CDCA3: variants seen among roughly 807,000 people sequenced by gnomAD.
CDCA3 encodes the protein cell division cycle associated 3, also known as cell division cycle-associated protein 3.
CDCA3 carries 16 observed loss-of-function variants against 29.1 expected under a neutral mutation model. The ratio of observed to expected loss-of-function variants is 0.55; its 90% CI spans 0.37 to 0.83. The LOEUF (loss-of-function observed/expected upper bound fraction) is 0.83. Ranked by LOEUF, CDCA3 falls within the 40% of genes least tolerant of loss-of-function variation. The pLI, the probability that CDCA3 is intolerant of heterozygous loss-of-function variation, is 0.00. For missense variants in CDCA3, 291 were observed against 327.2 expected, an observed-to-expected ratio of 0.89 and a Z score of 0.85; for synonymous variants, 88 against 124.5, an observed-to-expected ratio of 0.71 and a Z score of 1.95.
At chr12:6,846,783 C>T (rs782772296), downstream of CDCA3, 60 of 1,542,832 alleles carry the variant, frequency 3.9e-5, no homozygotes, top group Non-Finnish European at 5.0e-5. Context: ...TCCTTTCCCT[C>T]TTCCTCAGGC....
chr12:6,849,686 C>T lies in CDCA3; in HGVS notation c.423G>A (p.Gln141=), dbSNP rs1200403454. 11 of 1,614,086 alleles carry T rather than the reference C, an allele frequency of 6.8e-6. No homozygotes were observed. The highest frequency in any genetic ancestry group is 6.7e-5 in the East Asian group (3 of 44,882). The change falls in exon 4 of 6, where the codon CAG becomes CAA. Residue 141 remains glutamine, a synonymous_variant. Coordinates refer to ENST00000538862, the MANE Select transcript of CDCA3 (RefSeq NM_031299.7). This position sits in a 1 kb window ranked among gnomAD's most constrained non-coding sequence, Gnocchi z 5.2. ...ACACCTGTTTGGAGGGGAACTCAGT[C>T]TGGTTCCAAGGTGGCATCTGTTCCT... ...SVEEQMPPWN[Q]TEFPSKQVFS... is the part of the protein sequence containing the mutation.
chr12:6,847,393 A>G, downstream of CDCA3: 1 of 159,560 alleles, frequency 6.3e-6, no homozygotes, highest in Non-Finnish European at 1.4e-5. Context: ...GCACCCTGGT[A>G]CATCTGTGAT....
Position 6,849,090 on chromosome 12 carries a change from G to T in CDCA3, c.760C>A (p.Gln254Lys). The T allele has an allele frequency of 7.3e-7, 1 of 1,375,332 alleles. No homozygotes were observed. The highest frequency in any genetic ancestry group is 1.0e-6 in the Non-Finnish European group (1 of 961,916). The allele number at this position is 1,375,332 out of a possible 1,614,324, so 85.2% of individuals were successfully genotyped here. Residue 254 changes from glutamine (Q) to lysine (K), a missense_variant, in exon 6 of 6, where the codon CAG (glutamine) becomes AAG (lysine). By Grantham distance (53) the Gln-to-Lys change is moderately conservative. Coordinates refer to ENST00000538862, the MANE Select transcript of CDCA3 (RefSeq NM_031299.7). This position sits in a 1 kb window ranked among gnomAD's most constrained non-coding sequence, Gnocchi z 5.2. Reference protein sequence around the residue: ...KTGGRAWEQGQDHDKENQHFP... With the variant: ...KTGGRAWEQGKDHDKENQHFP... Reference sequence around the variant, plus strand: ...TGCTGATTTTCCTTGTCATGGTCCTGGCCTTGCTCCCATGCTCGTCCTCCA... The same window carrying T: ...TGCTGATTTTCCTTGTCATGGTCCTTGCCTTGCTCCCATGCTCGTCCTCCA...
chr12:6,846,777 T>A, downstream of CDCA3: 3 of 1,497,680 alleles, frequency 2.0e-6, no homozygotes, highest in East Asian at 7.0e-5. Context: ...GCTGACTCCT[T>A]TCCCTCTTCC....
At position 6,849,008 on chromosome 12, in the gene CDCA3, C is replaced by A. The variant is rs367669653; in HGVS notation, c.*35G>T. ...GTGAGAGGACACAGATATCACCAGG[C>A]CCTGGGTGACTGCATTGCTGGGGCC... On this transcript the variant is annotated 3_prime_UTR_variant, in exon 6 of 6. Transcript: ENST00000538862. The surrounding 1 kb of genome is among the most constrained non-coding windows in gnomAD (Gnocchi z 5.2). The A allele has an allele frequency of 1.3e-6, 1 of 795,088 alleles. No homozygotes were observed. The highest frequency in any genetic ancestry group is 2.3e-6 in the Non-Finnish European group (1 of 434,288). 49.3% of individuals were successfully genotyped at this position (795,088 alleles called of 1,614,324 possible).
downstream of CDCA3, among the ~76,000 whole-genome samples, chr12:6,847,877 AGAGG>A (rs1943737644): frequency 6.6e-6 from 1 of 152,182 alleles, no homozygotes; most frequent in Admixed American, 6.5e-5. Flanking sequence ...GCGACAGGAC[AGAGG>A]GGTTAGGGAG....
chr12:6,846,697 A>C (rs79126776), downstream of CDCA3: 7,556 of 530,912 alleles, frequency 0.014, 236 homozygotes, highest in African/African-American at 0.13. Context: ...ATACACACAC[A>C]CACCCACACA....
At chr12:6,851,111 C>A (rs1014724940) in intron 1 of CDCA3, 102 bp from the exon 2 acceptor site, 24 of 1,415,860 alleles carry the variant, frequency 1.7e-5, no homozygotes, top group Non-Finnish European at 1.9e-5. Context: ...AACTTCCTGG[C>A]GAGGGACCAG....
chr12:6,847,185 C>T, downstream of CDCA3: 1 of 392,402 alleles, frequency 2.5e-6, no homozygotes, highest in Non-Finnish European at 4.7e-6. Flanking sequence ...TTTGCAGGCC[C>T]AGCAGACTTG....
At chr12:6,848,491 T>G (rs1943749016), downstream of CDCA3, 1 of 152,398 alleles carries the variant, frequency 6.6e-6, no homozygotes, top group African/African-American at 2.4e-5. Flanking sequence ...ATGCTGTCAT[T>G]CACAAGGATA....
At position 6,850,728 on chromosome 12, in the gene CDCA3, A is replaced by G. The variant is rs1380691560; in HGVS notation, c.120+105T>C. 2.2e-5 allele frequency: 35 copies of G among 1,572,310 alleles called. No individual in the cohort carries two copies. The highest frequency in any genetic ancestry group is 5.2e-5 in the Admixed American group (3 of 57,736). On this transcript the variant is annotated intron_variant, in intron 2 of 5. Transcript: ENST00000538862. The surrounding 1 kb of genome is among the most constrained non-coding windows in gnomAD (Gnocchi z 4.7). ...CACACAGATTGAGATTGCAGAAAAT[A>G]AGGCTAGGATAAGGGTGGGGTCATG...
At chr12:6,845,696 C>G (rs1555124500), downstream of CDCA3, 1 of 1,614,098 alleles carries the variant, frequency 6.2e-7, no homozygotes, top group African/African-American at 1.3e-5. Context: ...AGAGCATCAT[C>G]TGCGGCATCA....
At chr12:6,845,418 G>A (rs984364528), downstream of CDCA3, 23 of 609,314 alleles carry the variant, frequency 3.8e-5, no homozygotes, top group African/African-American at 3.7e-5. Context: ...TCACTGGCAC[G>A]TGGTATGTGT....
chr12:6,846,427 C>T (rs1332534244), downstream of CDCA3: 2 of 190,912 alleles, frequency 1.0e-5, no homozygotes, highest in Admixed American at 5.8e-5. Flanking sequence ...TGTCAAGGTG[C>T]CCTCGGGTTT....
At position 6,850,760 on chromosome 12, in the gene CDCA3, C is replaced by T; in HGVS notation, c.120+73G>A. On this transcript the variant is annotated intron_variant, in intron 2 of 5. Coordinates refer to ENST00000538862, the MANE Select transcript of CDCA3 (RefSeq NM_031299.7). This position sits in a 1 kb window ranked among gnomAD's most constrained non-coding sequence, Gnocchi z 4.7. ...GGATAAGGGTGGGGTCATGACGGCT[C>T]TCTCAAAATCAGGTTAGGAAGAGAC... 1 of 1,586,268 alleles carries T rather than the reference C, an allele frequency of 6.3e-7. No homozygotes were observed.
chr12:6,845,733 C>T (rs202103093), downstream of CDCA3: 47 of 1,614,074 alleles, frequency 2.9e-5, no homozygotes, highest in Admixed American at 2.2e-4. Flanking sequence ...CCTCAGTGGC[C>T]GCCTACTATT....
chr12:6,846,745 C>G, downstream of CDCA3: 1 of 1,134,746 alleles, frequency 8.8e-7, no homozygotes, highest in Non-Finnish European at 1.3e-6. Context: ...ACACTGCTTT[C>G]CAAATCAGCT....
rs373307710 is a variant in CDCA3 at position 6,850,429 on chromosome 12, T to C, written c.250+38A>G. ...ATGGACCCTACCCAAGAATAATAGA[T>C]GACAGCTTCATCAGCATTCCCTGGG... On this transcript the variant is annotated intron_variant, in intron 3 of 5. Coordinates refer to ENST00000538862, the MANE Select transcript of CDCA3 (RefSeq NM_031299.7). The surrounding 1 kb of genome is among the most constrained non-coding windows in gnomAD (Gnocchi z 4.7). The C allele has an allele frequency of 2.9e-5, 47 of 1,612,978 alleles. No individual in the cohort carries two copies. The highest frequency in any genetic ancestry group is 3.9e-5 in the Non-Finnish European group (46 of 1,179,288).
rs181204084 is a variant in CDCA3 at position 6,849,637 on chromosome 12, G to A, written c.472C>T (p.Pro158Ser). 1.1e-4 allele frequency: 185 copies of A among 1,614,098 alleles called. 1 individual carries two copies. In the East Asian group the frequency reaches 3.7e-3, roughly 32 times the overall value. Residue 158 changes from proline (P) to serine (S), a missense_variant, in exon 4 of 6, where the codon CCC becomes TCC. By Grantham distance (74) the Pro-to-Ser change is moderately conservative. Coordinates refer to ENST00000538862, the MANE Select transcript of CDCA3 (RefSeq NM_031299.7). This position sits in a 1 kb window ranked among gnomAD's most constrained non-coding sequence, Gnocchi z 5.2. ...TGGCTGGCCACAGGGGTTTCTGTGG[G>A]CTGTCTTGCTTCCTCCTTGGAAAAC... is the stretch of plus-strand genomic sequence containing the variant. The part of the protein sequence containing the change: ...QVFSKEEARQ[P>S]TETPVASQSS...
Sources: gnomAD v4.1 joint callset for allele counts (sites outside exome capture counted in the v4.1 genomes callset) on GRCh38, gnomAD v4.1.1 for gene constraint, Gnocchi (gnomAD v3.1) non-coding constraint, MANE v1.5 for transcripts, NCBI Gene and HGNC (gene_info 2026-07-23, HGNC 2026-07-21) for gene names.